STK10: variants seen among roughly 807,000 people sequenced by gnomAD.
The protein encoded by STK10 is serine/threonine kinase 10, also known as serine/threonine-protein kinase 10.
Under a neutral mutation model 113.8 loss-of-function variants are expected in STK10, and 78 were observed. The ratio of observed to expected loss-of-function variants is 0.69; its 90% CI spans 0.57 to 0.83. STK10 has a LOEUF of 0.83. Among genes scored for constraint, STK10 ranks in the 40% least tolerant of loss-of-function variants. STK10 has a pLI of 0.00. For synonymous variants in STK10, 465 were observed against 494.7 expected, an observed-to-expected ratio of 0.94 and a Z score of 0.80; for missense variants, 1,109 against 1,280.1, an observed-to-expected ratio of 0.87 and a Z score of 2.04.
Position 172,085,699 on chromosome 5 carries a change from AAAAG to A in STK10, c.1686-2619_1686-2616del, listed in dbSNP as rs200130813. Among the ~76,000 whole-genome samples, 184 of 152,130 alleles carry A rather than the reference AAAAG, an allele frequency of 1.2e-3. 1 individual carries two copies. The highest frequency in any genetic ancestry group is 1.0e-2 in the Admixed American group (152 of 15,272). On this transcript the variant is annotated intron_variant, in intron 10 of 18. Coordinates refer to ENST00000176763, the MANE Select transcript of STK10 (RefSeq NM_005990.4). Reference sequence around the variant, plus strand: ...GTGAGACTCCATTTCAAAAAAAAAAAAAAGAGAGAGAAAATTGCTACATATCATT... The same window carrying A: ...GTGAGACTCCATTTCAAAAAAAAAAAAGAGAGAAAATTGCTACATATCATT...
At chr5:172,074,489 T>C (rs1768266395) in intron 12 of STK10, among the ~76,000 whole-genome samples, 2 of 152,158 alleles carry the variant, frequency 1.3e-5, no homozygotes, top group Admixed American at 6.6e-5. Flanking sequence ...CAGACATCCA[T>C]AGGCAATAAT....
chr5:172,101,156 TA>T (rs2113757034), intron 7 of STK10, among the ~76,000 whole-genome samples: 1 of 152,286 alleles, frequency 6.6e-6, no homozygotes, highest in Non-Finnish European at 1.5e-5. Context: ...AAGGGTTATG[TA>T]ACAGTTTGTT....
intron 2 of STK10, among the ~76,000 whole-genome samples, chr5:172,151,970 C>T (rs11741052): frequency 0.26 from 39,533 of 152,220 alleles, 5,352 homozygotes; most frequent in Non-Finnish European, 0.3. Flanking sequence ...CACTTTCTGC[C>T]CCCACACATT....
chr5:172,162,733 C>T (rs1581186367), intron 1 of STK10, among the ~76,000 whole-genome samples: 1 of 152,176 alleles, frequency 6.6e-6, no homozygotes, highest in Non-Finnish European at 1.5e-5. Flanking sequence ...TGGCCAAGGG[C>T]CCCCCTTCAA....
At chr5:172,128,265 G>A (rs1374752143) in intron 2 of STK10, among the ~76,000 whole-genome samples, 1 of 148,244 alleles carries the variant, frequency 6.7e-6, no homozygotes, top group Non-Finnish European at 1.5e-5. Flanking sequence ...TTCCAGCCCT[G>A]GTTCACTCCC....
chr5:172,099,560 G>GA lies in STK10; in HGVS notation c.871-3001dup, dbSNP rs1768935223. 1.2e-4 allele frequency among the ~76,000 whole-genome samples: 19 copies of GA among 152,138 alleles called. No individual in the cohort carries two copies. The South Asian group carries it at 4.0e-3, about 32-fold the overall frequency. On this transcript the variant is annotated intron_variant, in intron 7 of 18. Transcript: ENST00000176763. The stretch of plus-strand genomic sequence containing the variant: ...TGTCTCAAAAACAATAACAGAAAAA[G>GA]AAAAGCCTGTTTTGCATTCCTAGCC...
intron 10 of STK10, among the ~76,000 whole-genome samples, chr5:172,088,863 C>A (rs917230623): frequency 2.0e-5 from 3 of 152,156 alleles, no homozygotes; most frequent in African/African-American, 4.8e-5. Context: ...ATAGGGTCTC[C>A]CGAAGGAGGG....
intron 15 of STK10, 132 bp from the exon 16 acceptor site, chr5:172,055,908 G>A (rs868286886): frequency 4.5e-6 from 3 of 666,772 alleles, no homozygotes; most frequent in African/African-American, 3.7e-5. Flanking sequence ...GCAGATCAAG[G>A]CTGGTGTTAT....
intron 2 of STK10, among the ~76,000 whole-genome samples, chr5:172,136,667 C>G (rs148116932): frequency 4.9e-4 from 75 of 152,130 alleles, no homozygotes; most frequent in African/African-American, 1.7e-3. Flanking sequence ...CAGAGCATGG[C>G]ATTCCAAAAA....
intron 10 of STK10, 58 bp downstream of exon 10, chr5:172,090,174 A>C: frequency 6.3e-7 from 1 of 1,596,882 alleles, no homozygotes; most frequent in Non-Finnish European, 8.5e-7. Context: ...ACCAATGCCC[A>C]CTCCTCTTAC....
At chr5:172,163,927 C>A (rs944085898) in intron 1 of STK10, among the ~76,000 whole-genome samples, 1 of 151,966 alleles carries the variant, frequency 6.6e-6, no homozygotes, top group African/African-American at 2.4e-5. Context: ...AGAATAGGCA[C>A]GTGGCCAGGC....
At chr5:172,083,567 T>C (rs1042998329) in intron 10 of STK10, among the ~76,000 whole-genome samples, 1 of 152,210 alleles carries the variant, frequency 6.6e-6, no homozygotes, top group Non-Finnish European at 1.5e-5. Context: ...TTTCCACTTC[T>C]GGATACTGAT....
intron 2 of STK10, among the ~76,000 whole-genome samples, chr5:172,139,965 A>G (rs1407908363): frequency 6.6e-6 from 1 of 151,848 alleles, no homozygotes; most frequent in Non-Finnish European, 1.5e-5. Context: ...AGTTCTGCAC[A>G]GCAAAGGAGA....
chr5:172,153,527 A>T (rs946918394), intron 2 of STK10, among the ~76,000 whole-genome samples: 1 of 151,946 alleles, frequency 6.6e-6, no homozygotes, highest in Admixed American at 6.6e-5. Context: ...GTGGTGAATG[A>T]CCTCCACCCC....
chr5:172,064,884 C>T, intron 12 of STK10, 72 bp from the exon 13 acceptor site: 1 of 1,538,506 alleles, frequency 6.5e-7, no homozygotes. Flanking sequence ...ATCTTCAACG[C>T]AGAACCCCCG....
At chr5:172,126,195 T>C (rs1769615296) in intron 3 of STK10, among the ~76,000 whole-genome samples, 1 of 152,210 alleles carries the variant, frequency 6.6e-6, no homozygotes, top group Non-Finnish European at 1.5e-5. Flanking sequence ...CCATGGTCCA[T>C]GGTTAGGAGC....
intron 3 of STK10, among the ~76,000 whole-genome samples, chr5:172,124,002 A>G (rs1270333713): frequency 1.3e-5 from 2 of 152,124 alleles, no homozygotes; most frequent in Non-Finnish European, 2.9e-5. Context: ...TCTTAGCTCA[A>G]TGCAACCTCT....
intron 14 of STK10, among the ~76,000 whole-genome samples, chr5:172,060,621 C>A (rs1431747042): frequency 6.6e-6 from 1 of 152,194 alleles, no homozygotes; most frequent in Non-Finnish European, 1.5e-5. Flanking sequence ...AAATGAATGT[C>A]TGTTGTTGAT....
chr5:172,131,032 G>A (rs1218413806), intron 2 of STK10, among the ~76,000 whole-genome samples: 1 of 109,520 alleles, frequency 9.1e-6, no homozygotes, highest in South Asian at 2.7e-4. Flanking sequence ...GCCATCAGCT[G>A]TTTTTTTTTT....
Sources: gnomAD v4.1 joint callset for allele counts (sites outside exome capture counted in the v4.1 genomes callset) on GRCh38, gnomAD v4.1.1 for gene constraint, MANE v1.5 for transcripts, NCBI Gene and HGNC (gene_info 2026-07-23, HGNC 2026-07-21) for gene names.